Variants in NDRG2 observed in about 807,000 individuals in gnomAD.
NDRG2 encodes protein NDRG2.
NDRG2 carries 34 observed loss-of-function variants against 58.2 expected under a neutral mutation model. That is an observed-to-expected ratio of 0.58 (90% confidence interval 0.44 to 0.78). The LOEUF (loss-of-function observed/expected upper bound fraction) is 0.78. Ranked by LOEUF, NDRG2 falls within the 30% of genes least tolerant of loss-of-function variation. NDRG2 has a pLI of 0.00. For synonymous variants in NDRG2, 187 were observed against 175.9 expected, an observed-to-expected ratio of 1.06 and a Z score of -0.50; for missense variants, 434 against 471.2, an observed-to-expected ratio of 0.92 and a Z score of 0.73.
At chr14:21,067,921 C>T (rs1408285446) in intron 1 of NDRG2, among the ~76,000 whole-genome samples, 1 of 151,620 alleles carries the variant, frequency 6.6e-6, no homozygotes, top group Non-Finnish European at 1.5e-5. Flanking sequence ...GTAACTGCAT[C>T]CCTGATTCTC....
chr14:21,032,140 G>A, intron 1 of NDRG2: 1 of 1,537,982 alleles, frequency 6.5e-7, no homozygotes, highest in Non-Finnish European at 9.0e-7. Flanking sequence ...AGGGAGCTTG[G>A]AAAACAATAA....
At chr14:21,020,409 A>G in intron 8 of NDRG2, 87 bp downstream of exon 8, 2 of 1,058,428 alleles carry the variant, frequency 1.9e-6, no homozygotes, top group South Asian at 1.3e-5. Flanking sequence ...TTCAGAGTCC[A>G]TCCAGTTAGG....
chr14:21,031,393 C>A, intron 1 of NDRG2: 1 of 536,262 alleles, frequency 1.9e-6, no homozygotes, highest in Non-Finnish European at 3.1e-6. Flanking sequence ...TTCCAAGTGT[C>A]TAGTATCTGA....
chr14:21,070,456 G>A lies in NDRG2; in HGVS notation c.24+372C>T. On this transcript the variant is annotated intron_variant, in intron 1 of 14. Transcript: ENST00000403829. This position sits in a 1 kb window ranked among gnomAD's most constrained non-coding sequence, Gnocchi z 4.7. ...CTCGGCCTTCGCGCAGCCCGCTCCG[G>A]GCCCCCAAGTCCTCAGCCTGGTGCC... The A allele has an allele frequency of 7.4e-7, 1 of 1,352,428 alleles. No individual in the cohort carries two copies. The highest frequency in any genetic ancestry group is 9.4e-7 in the Non-Finnish European group (1 of 1,058,572). 83.8% of individuals were successfully genotyped at this position (1,352,428 alleles called of 1,614,324 possible).
rs763238207 is a variant in NDRG2 at position 21,022,431 on chromosome 14, G to C, written c.184C>G (p.Arg62Gly). Residue 62 changes from arginine (R) to glycine (G), a missense_variant, in exon 4 of 16, where the codon CGC becomes GGC. Arg to Gly is a moderately radical substitution (Grantham distance 125). Coordinates refer to ENST00000556147, the MANE Select transcript of NDRG2 (RefSeq NM_001320329.2). ...FTVYGTPKPK[R>G]PAILTYHDVG... ...TCGTGGTAGGTAAGGATCGCTGGGC[G>C]TTTGGGTTTGGGGGTGCCATAGACA... 3.1e-6 allele frequency: 5 copies of C among 1,613,976 alleles called. No individual in the cohort carries two copies. The highest frequency in any genetic ancestry group is 4.2e-6 in the Non-Finnish European group (5 of 1,179,998).
chr14:21,057,112 T>C (rs1336603562), intron 1 of NDRG2, among the ~76,000 whole-genome samples: 1 of 152,180 alleles, frequency 6.6e-6, no homozygotes, highest in East Asian at 1.9e-4. Flanking sequence ...GAGTGGGGTA[T>C]TGACCTTTCA....
rs190768596 is a variant in NDRG2 at position 21,037,389 on chromosome 14, T to A, written c.25-14068A>T. On this transcript the variant is annotated intron_variant, in intron 1 of 14. Coordinates refer to the NDRG2 transcript ENST00000403829. ...TTACCCCATTACACCGGGTTTTACATACACAAGCATTTCCCTAGGGATGAA... is the reference window on the plus strand; with the variant it reads ...TTACCCCATTACACCGGGTTTTACAAACACAAGCATTTCCCTAGGGATGAA... Among the ~76,000 whole-genome samples, 113 of 152,374 alleles carry A rather than the reference T, an allele frequency of 7.4e-4. 2 individuals carry two copies. The highest frequency in any genetic ancestry group is 1.3e-4 in the Non-Finnish European group (9 of 68,036).
upstream of NDRG2, chr14:21,025,528 T>C (rs955058995): frequency 5.9e-5 from 58 of 985,128 alleles, 1 homozygote; most frequent in Non-Finnish European, 3.6e-5. The surrounding 1 kb of genome is among the most constrained non-coding windows in gnomAD (Gnocchi z 5.1). Flanking sequence ...GAGAACTAGA[T>C]TAAGAAAGGA....
chr14:21,045,226 G>A (rs551921663), intron 1 of NDRG2, among the ~76,000 whole-genome samples: 9 of 152,308 alleles, frequency 5.9e-5, no homozygotes, highest in Non-Finnish European at 1.2e-4. Context: ...GTCCTGGGAG[G>A]GCAGCCAGGT....
intron 1 of NDRG2, among the ~76,000 whole-genome samples, chr14:21,036,586 A>G (rs542219936): frequency 2.0e-5 from 3 of 152,310 alleles, no homozygotes; most frequent in South Asian, 2.1e-4. Flanking sequence ...CTCACAGGAC[A>G]TAAGACTTCC....
At chr14:21,043,251 A>T (rs995519754) in intron 1 of NDRG2, 1 of 1,614,182 alleles carries the variant, frequency 6.2e-7, no homozygotes, top group Non-Finnish European at 8.5e-7. Flanking sequence ...CCAGACCCCC[A>T]AAATAGCCTG....
intron 1 of NDRG2, among the ~76,000 whole-genome samples, chr14:21,045,906 T>A (rs954944614): frequency 6.6e-6 from 1 of 152,184 alleles, no homozygotes. Context: ...ATTCTTGGTC[T>A]GGATATGTTT....
At chr14:21,035,779 G>T (rs1397138142) in intron 1 of NDRG2, 2 of 456,248 alleles carry the variant, frequency 4.4e-6, no homozygotes, top group Non-Finnish European at 8.8e-6. Context: ...TTCTCTTCCT[G>T]TTTTGTCAAC....
chr14:21,043,418 T>G lies in NDRG2; in HGVS notation c.25-20097A>C, dbSNP rs1885002923. 4.3e-6 allele frequency: 7 copies of G among 1,610,582 alleles called. 1 individual carries two copies. Among genetic ancestry groups the G allele is most frequent in the Non-Finnish European group, 5.9e-6 (7 of 1,178,690 alleles). ...GTAAGCCTCCCCAGAAAAAGGACTC[T>G]CAGCAATTCCACCTGGTTCCTGTAC... On this transcript the variant is annotated intron_variant, in intron 1 of 14. Coordinates refer to the NDRG2 transcript ENST00000403829.
chr14:21,069,778 A>G (rs981759081), intron 1 of NDRG2, among the ~76,000 whole-genome samples: 34 of 152,314 alleles, frequency 2.2e-4, no homozygotes, highest in African/African-American at 7.9e-4. Context: ...CTAGGCAGGC[A>G]GGGGCCTGAA....
At chr14:21,030,718 C>A (rs755401379), upstream of NDRG2, 3 of 1,614,174 alleles carry the variant, frequency 1.9e-6, no homozygotes, top group East Asian at 6.7e-5. Flanking sequence ...AAGACAGTCA[C>A]CTCCACGGAC....
rs1877633605 is a variant in NDRG2, at chr14:21,017,877, C to T, written c.949+110G>A. The T allele has an allele frequency of 1.6e-5, 25 of 1,601,740 alleles. No individual in the cohort carries two copies. The Middle Eastern group carries it at 8.3e-4, about 53-fold the overall frequency. ...AGTTATAACTAAGCCAGGGGATCAA[C>T]GAGCTCGATTGGGCAGATAGCGGTG... On this transcript the variant is annotated intron_variant, in intron 15 of 15. Transcript: ENST00000556147.
upstream of NDRG2, chr14:21,030,818 G>A: frequency 1.3e-6 from 2 of 1,572,066 alleles, no homozygotes; most frequent in South Asian, 2.3e-5. Context: ...GCCACGGAAG[G>A]GTTCACGTGG....
In NDRG2 at chr14:21,032,170, C is replaced by A. The variant is rs550741215; in HGVS notation, c.25-8849G>T. On this transcript the variant is annotated intron_variant, in intron 1 of 14. Transcript: ENST00000403829. The stretch of plus-strand genomic sequence containing the variant: ...CAATAAACATCTGTGTGTGCAGCAG[C>A]CAAAATCTCTGTCTGTGAGGGACAG... 6.7e-4 allele frequency: 885 copies of A among 1,323,890 alleles called. 2 individuals carry two copies. The highest frequency in any genetic ancestry group is 1.6e-3 in the Admixed American group (88 of 56,770). 82.0% of individuals were successfully genotyped at this position (1,323,890 alleles called of 1,614,324 possible).
Sources: allele counts gnomAD v4.1 joint callset (sites outside exome capture counted in the v4.1 genomes callset), GRCh38; gene constraint gnomAD v4.1.1; non-coding constraint Gnocchi (gnomAD v3.1); transcripts MANE v1.5; gene names NCBI Gene and HGNC (gene_info 2026-07-23, HGNC 2026-07-21).